ERC2: variants seen among roughly 807,000 people sequenced by gnomAD.
The protein encoded by ERC2 is ELKS/RAB6-interacting/CAST family member 2.
A neutral mutation model predicts 114.8 loss-of-function variants in ERC2; 42 were observed. That is an observed-to-expected ratio of 0.37 (90% CI 0.29 to 0.47). The LOEUF (loss-of-function observed/expected upper bound fraction) is 0.47. Ranked by LOEUF, ERC2 falls within the 20% of genes least tolerant of loss-of-function variation. The pLI is 0.99. For missense variants in ERC2, 939 were observed against 1,150.7 expected (o/e 0.82, Z 2.66); for synonymous variants, 454 against 425.5 (o/e 1.07, Z -0.82).
chr3:56,377,237 A>C (rs1457918745), intron 2 of ERC2, among the ~76,000 whole-genome samples: 1 of 152,204 alleles, frequency 6.6e-6, no homozygotes, highest in Non-Finnish European at 1.5e-5. Context: ...AAAGACCAGA[A>C]AGGAACACAT....
chr3:56,439,998 T>C (rs1202718703), intron 1 of ERC2, among the ~76,000 whole-genome samples: 1 of 152,228 alleles, frequency 6.6e-6, no homozygotes, highest in Non-Finnish European at 1.5e-5. Flanking sequence ...TTGTATAGCA[T>C]TGGGATCATA....
At chr3:55,687,689 C>T (rs2062406833) in intron 16 of ERC2, among the ~76,000 whole-genome samples, 1 of 152,192 alleles carries the variant, frequency 6.6e-6, no homozygotes, top group Non-Finnish European at 1.5e-5. Context: ...TTCATGGCTT[C>T]TCTAAAGCTT....
At chr3:56,370,364 G>A (rs934362535) in intron 2 of ERC2, among the ~76,000 whole-genome samples, 1 of 152,164 alleles carries the variant, frequency 6.6e-6, no homozygotes, top group Admixed American at 6.5e-5. Flanking sequence ...TTTCTTGTTG[G>A]CTGGTCGTGG....
intron 12 of ERC2, among the ~76,000 whole-genome samples, chr3:55,978,041 G>A (rs773159835): frequency 3.3e-4 from 50 of 152,154 alleles, no homozygotes; most frequent in Admixed American, 7.2e-4. Flanking sequence ...GCTTCTGGGT[G>A]TAGTGCCAGT....
intron 15 of ERC2, among the ~76,000 whole-genome samples, chr3:55,703,574 T>C (rs1390223794): frequency 3.3e-5 from 5 of 152,202 alleles, no homozygotes; most frequent in African/African-American, 9.6e-5. Context: ...CACCACTAGG[T>C]TGAAAATCTC....
intron 8 of ERC2, among the ~76,000 whole-genome samples, chr3:56,014,037 C>G (rs2073138069): frequency 6.6e-6 from 1 of 152,012 alleles, no homozygotes; most frequent in Non-Finnish European, 1.5e-5. Flanking sequence ...CTGATTTTGG[C>G]ACCTTTAAAA....
intron 5 of ERC2, among the ~76,000 whole-genome samples, chr3:56,147,739 G>T (rs951527993): frequency 1.3e-5 from 2 of 152,030 alleles, no homozygotes; most frequent in Non-Finnish European, 2.9e-5. Context: ...AAAGAAAAAA[G>T]AAAACAAATT....
chr3:56,135,485 C>T lies in ERC2; in HGVS notation c.1473+4024G>A, dbSNP rs750179195. 5.5e-4 allele frequency among the ~76,000 whole-genome samples: 84 copies of T among 152,250 alleles called. No individual in the cohort carries two copies. The Middle Eastern group carries it at 0.014, about 25-fold the overall frequency. ...ATTCAGGTGTGACCTGCCCAAACAT[C>T]CCTGATAAACATAATAGTAGTAATG... On this transcript the variant is annotated intron_variant, in intron 6 of 17. Coordinates refer to ENST00000288221, the MANE Select transcript of ERC2 (RefSeq NM_015576.3).
intron 14 of ERC2, among the ~76,000 whole-genome samples, chr3:55,885,688 A>T (rs1004622062): frequency 2.0e-5 from 3 of 152,234 alleles, no homozygotes; most frequent in Non-Finnish European, 4.4e-5. Flanking sequence ...ATAAATCCAA[A>T]TTTTAGATAA....
chr3:56,087,691 A>G (rs886898884), intron 6 of ERC2, among the ~76,000 whole-genome samples: 1 of 152,182 alleles, frequency 6.6e-6, no homozygotes, highest in Non-Finnish European at 1.5e-5. Context: ...AATTGAATAA[A>G]CAGGCTATCA....
At chr3:55,727,057 C>T (rs2064966385) in intron 15 of ERC2, among the ~76,000 whole-genome samples, 1 of 152,162 alleles carries the variant, frequency 6.6e-6, no homozygotes, top group African/African-American at 2.4e-5. Context: ...GAGAATACGG[C>T]TTACGGGGTA....
At chr3:55,688,628 G>T (rs1224097997) in intron 16 of ERC2, among the ~76,000 whole-genome samples, 1 of 152,116 alleles carries the variant, frequency 6.6e-6, no homozygotes, top group Non-Finnish European at 1.5e-5. Context: ...AATTTAGTTG[G>T]GTCCCTCTGG....
chr3:56,429,955 T>G (rs2061722354), intron 2 of ERC2, among the ~76,000 whole-genome samples: 1 of 152,146 alleles, frequency 6.6e-6, no homozygotes, highest in Admixed American at 6.5e-5. Flanking sequence ...GCCAAGAAAC[T>G]GATGAGCAGG....
chr3:55,656,494 A>C (rs1414150876), intron 17 of ERC2, among the ~76,000 whole-genome samples: 1 of 152,146 alleles, frequency 6.6e-6, no homozygotes, highest in African/African-American at 2.4e-5. Context: ...GCCATCACCC[A>C]GGCCTGGCCT....
chr3:55,958,751 G>A (rs1488311190), intron 12 of ERC2, among the ~76,000 whole-genome samples: 1 of 152,226 alleles, frequency 6.6e-6, no homozygotes, highest in African/African-American at 2.4e-5. Context: ...CAGCGCCCAG[G>A]CTTGGCCACA....
chr3:55,994,389 TA>T, intron 10 of ERC2, among the ~76,000 whole-genome samples: 1 of 152,166 alleles, frequency 6.6e-6, no homozygotes, highest in Non-Finnish European at 1.5e-5. Context: ...CCGTTTTTAA[TA>T]AGTGGGTACA....
intron 13 of ERC2, among the ~76,000 whole-genome samples, chr3:55,909,011 C>A (rs911703428): frequency 1.3e-5 from 2 of 152,166 alleles, no homozygotes; most frequent in Non-Finnish European, 2.9e-5. Flanking sequence ...GCCCACTTAC[C>A]GGACAGAACA....
chr3:56,321,358 A>G (rs1351362663), intron 2 of ERC2, among the ~76,000 whole-genome samples: 1 of 152,210 alleles, frequency 6.6e-6, no homozygotes, highest in Non-Finnish European at 1.5e-5. Flanking sequence ...TGCAATTTAA[A>G]AAGAGGAGAT....
chr3:56,323,562 C>T (rs963687824), intron 2 of ERC2, among the ~76,000 whole-genome samples: 1 of 152,084 alleles, frequency 6.6e-6, no homozygotes, highest in Admixed American at 6.6e-5. Flanking sequence ...CAAAGCCAGC[C>T]CTAAGAATCA....
Sources: gnomAD v4.1 joint callset for allele counts (sites outside exome capture counted in the v4.1 genomes callset) on GRCh38, gnomAD v4.1.1 for gene constraint, MANE v1.5 for transcripts, NCBI Gene and HGNC (gene_info 2026-07-23, HGNC 2026-07-21) for gene names.